The following RBM20 variants were observed in gnomAD, a reference collection of about 807,000 sequenced individuals.
RBM20 encodes RNA-binding protein 20.
In RBM20, 51 loss-of-function variants were observed where a neutral mutation model predicts 110.1. That is an observed-to-expected ratio of 0.46 (90% confidence interval 0.37 to 0.59). The LOEUF is 0.59. Among genes scored for constraint, RBM20 ranks in the 20% least tolerant of loss-of-function variants. RBM20 has a pLI of 0.00. For missense variants in RBM20, 1,512 were observed against 1,574.9 expected (o/e 0.96, Z 0.68); for synonymous variants, 589 against 618.2 (o/e 0.95, Z 0.70).
At chr10:110,651,425 A>C (rs1861947746) in intron 1 of RBM20, among the ~76,000 whole-genome samples, 1 of 152,258 alleles carries the variant, frequency 6.6e-6, no homozygotes, top group African/African-American at 2.4e-5. Context: ...ACTGTTCTTC[A>C]ATCTCTAAAA....
rs373054814 is a variant in RBM20, at chr10:110,662,011, G to GAA, written c.191+17366_191+17367insAA. Among the ~76,000 whole-genome samples the GAA allele has an allele frequency of 2.3e-3, 332 of 146,910 alleles. 4 individuals carry two copies. The highest frequency in any genetic ancestry group is 7.8e-3 in the African/African-American group (311 of 39,844). Reference sequence around the variant, plus strand: ...GGGTGACAGAGCAAGACTGGTCTCAGGAAAAAAAAAAAAGATAGTAGCATT... The same window carrying GAA: ...GGGTGACAGAGCAAGACTGGTCTCAGAAGAAAAAAAAAAAAGATAGTAGCATT... On this transcript the variant is annotated intron_variant, in intron 1 of 13. Coordinates refer to ENST00000369519, the MANE Select transcript of RBM20 (RefSeq NM_001134363.3).
intron 13 of RBM20, 59 bp downstream of exon 13, chr10:110,831,241 C>T: frequency 6.6e-7 from 1 of 1,524,526 alleles, no homozygotes; most frequent in Non-Finnish European, 8.9e-7. Context: ...CATAACCGAG[C>T]CAGGTGTCTG....
intron 5 of RBM20, among the ~76,000 whole-genome samples, chr10:110,790,326 C>T (rs1482133758): frequency 6.6e-6 from 1 of 152,236 alleles, no homozygotes. Flanking sequence ...CATTCCAGCT[C>T]TGTCATTGCT....
chr10:110,805,897 T>A (rs1283065793), intron 7 of RBM20, among the ~76,000 whole-genome samples: 1 of 152,080 alleles, frequency 6.6e-6, no homozygotes, highest in African/African-American at 2.4e-5. Flanking sequence ...ATGTCTGACG[T>A]TTGCTTCAAA....
chr10:110,662,220 T>C (rs1270890661), intron 1 of RBM20, among the ~76,000 whole-genome samples: 3 of 152,134 alleles, frequency 2.0e-5, no homozygotes, highest in African/African-American at 7.2e-5. Flanking sequence ...ACTGAGAAGC[T>C]CTCCTTCCCC....
intron 7 of RBM20, among the ~76,000 whole-genome samples, chr10:110,805,695 T>G (rs1009941276): frequency 6.6e-6 from 1 of 152,180 alleles, no homozygotes; most frequent in Non-Finnish European, 1.5e-5. Context: ...GGGCTGCTCT[T>G]CCTGGGTTGA....
At chr10:110,708,759 G>T (rs1368796868) in intron 1 of RBM20, among the ~76,000 whole-genome samples, 1 of 152,182 alleles carries the variant, frequency 6.6e-6, no homozygotes, top group Non-Finnish European at 1.5e-5. Flanking sequence ...TTGAAAGTCT[G>T]TTCATTGTTT....
chr10:110,809,885 G>A (rs1439724931), intron 7 of RBM20, among the ~76,000 whole-genome samples: 2 of 152,172 alleles, frequency 1.3e-5, no homozygotes, highest in Non-Finnish European at 2.9e-5. Context: ...TGGAACACAG[G>A]GTGGCTGGTG....
At chr10:110,711,887 T>C (rs944927307) in intron 1 of RBM20, among the ~76,000 whole-genome samples, 2 of 152,224 alleles carry the variant, frequency 1.3e-5, no homozygotes, top group African/African-American at 2.4e-5. Flanking sequence ...CCTTTTTTTT[T>C]CTCTGTCCCT....
Position 110,760,820 on chromosome 10 carries a change from G to A in RBM20, c.192-19981G>A, listed in dbSNP as rs554835479. Among the ~76,000 whole-genome samples, 10 of 151,018 alleles carry A rather than the reference G, an allele frequency of 6.6e-5. No homozygotes were observed. The East Asian group carries it at 1.6e-3, about 24-fold the overall frequency. On this transcript the variant is annotated intron_variant, in intron 1 of 13. Transcript: ENST00000369519. ...TTAAAGAAAAATTAGTTGGCCAGGTGCAGTGGCTCAGGCCTGTAATCCCAG... is the reference window on the plus strand; with the variant it reads ...TTAAAGAAAAATTAGTTGGCCAGGTACAGTGGCTCAGGCCTGTAATCCCAG...
intron 1 of RBM20, among the ~76,000 whole-genome samples, chr10:110,763,654 G>A (rs903510760): frequency 6.6e-6 from 1 of 151,968 alleles, no homozygotes; most frequent in Non-Finnish European, 1.5e-5. Context: ...GGAGAACGGT[G>A]GCTCCTCGGA....
intron 1 of RBM20, among the ~76,000 whole-genome samples, chr10:110,752,265 C>G (rs1843863597): frequency 6.6e-6 from 1 of 152,206 alleles, no homozygotes; most frequent in Admixed American, 6.5e-5. Context: ...TCTGCCTTTT[C>G]CAGAATGTCA....
intron 5 of RBM20, among the ~76,000 whole-genome samples, chr10:110,789,097 CT>C (rs912013669): frequency 6.6e-6 from 1 of 152,068 alleles, no homozygotes; most frequent in East Asian, 1.9e-4. Context: ...TTCAGAAACA[CT>C]TTTTTTTGAG....
At chr10:110,691,391 C>T (rs1299952184) in intron 1 of RBM20, among the ~76,000 whole-genome samples, 1 of 152,194 alleles carries the variant, frequency 6.6e-6, no homozygotes, top group African/African-American at 2.4e-5. Context: ...TTTATGTTCC[C>T]ACCAGCAATG....
intron 1 of RBM20, among the ~76,000 whole-genome samples, chr10:110,715,883 C>G (rs149833037): frequency 3.9e-5 from 6 of 152,314 alleles, no homozygotes; most frequent in Admixed American, 3.9e-4. Context: ...CATAACTAAT[C>G]ACATGGTCCC....
At chr10:110,688,264 G>C (rs1378286477) in intron 1 of RBM20, among the ~76,000 whole-genome samples, 1 of 152,134 alleles carries the variant, frequency 6.6e-6, no homozygotes, top group Non-Finnish European at 1.5e-5. Context: ...TGACTTGATA[G>C]GATGAGAGGC....
intron 9 of RBM20, among the ~76,000 whole-genome samples, chr10:110,817,247 C>G (rs1490357705): frequency 1.3e-5 from 2 of 152,208 alleles, no homozygotes; most frequent in East Asian, 3.8e-4. Flanking sequence ...CATTCTACAG[C>G]TGCCATGCAG....
intron 1 of RBM20, among the ~76,000 whole-genome samples, chr10:110,760,145 G>A (rs190892334): frequency 6.6e-4 from 100 of 152,292 alleles, no homozygotes; most frequent in African/African-American, 2.3e-3. Flanking sequence ...ATGTGCTGGC[G>A]TGTTCCATCC....
Position 110,684,272 on chromosome 10 carries a change from G to T in RBM20, c.191+39627G>T, listed in dbSNP as rs377308060. 3.4e-3 allele frequency among the ~76,000 whole-genome samples: 521 copies of T among 152,232 alleles called. 1 individual carries two copies. The highest frequency in any genetic ancestry group is 0.012 in the African/African-American group (500 of 41,526). ...TAGCCGGGTGTGGTGGAGCACACCT[G>T]TAGTCCCACTACTCAGGAGGCTGAG... On this transcript the variant is annotated intron_variant, in intron 1 of 13. Transcript: ENST00000369519.
Sources: allele counts gnomAD v4.1 joint callset (sites outside exome capture counted in the v4.1 genomes callset), GRCh38; gene constraint gnomAD v4.1.1; transcripts MANE v1.5; gene names NCBI Gene and HGNC (gene_info 2026-07-23, HGNC 2026-07-21).